MARCHF1: variants seen among roughly 807,000 people sequenced by gnomAD.
MARCHF1 encodes E3 ubiquitin-protein ligase MARCHF1.
A neutral mutation model predicts 54.2 loss-of-function variants in MARCHF1; 40 were observed. The observed-to-expected ratio is 0.74, with a 90% confidence interval of 0.57 to 0.96. MARCHF1 has a LOEUF of 0.96. Among genes scored for constraint, MARCHF1 ranks in the 40% least tolerant of loss-of-function variants. The pLI, the probability that MARCHF1 is intolerant of heterozygous loss-of-function variation, is 0.00. For synonymous variants in MARCHF1, 236 were observed against 236.3 expected, an observed-to-expected ratio of 1.00 and a Z score of 0.01; for missense variants, 586 against 656.5, an observed-to-expected ratio of 0.89 and a Z score of 1.17.
intron 5 of MARCHF1, among the ~76,000 whole-genome samples, chr4:163,662,776 TTC>T (rs1020503573): frequency 4.6e-5 from 7 of 152,014 alleles, no homozygotes; most frequent in African/African-American, 1.7e-4. Flanking sequence ...CAGCTATTCT[TTC>T]TGTTTTGTCA....
intron 4 of MARCHF1, among the ~76,000 whole-genome samples, chr4:163,799,751 C>G (rs755268735): frequency 6.6e-5 from 10 of 151,910 alleles, no homozygotes; most frequent in Non-Finnish European, 1.5e-4. Context: ...TTGAATGGTC[C>G]AGACTGCTTT....
intron 4 of MARCHF1, among the ~76,000 whole-genome samples, chr4:163,853,081 G>C (rs1265893982): frequency 6.6e-6 from 1 of 152,072 alleles, no homozygotes; most frequent in Non-Finnish European, 1.5e-5. Flanking sequence ...TTAGAACTGT[G>C]AGAAATAAAT....
chr4:164,126,889 C>T (rs552228045), intron 1 of MARCHF1, among the ~76,000 whole-genome samples: 11 of 152,220 alleles, frequency 7.2e-5, no homozygotes, highest in African/African-American at 2.4e-4. Flanking sequence ...AACCCCAGCT[C>T]TACAAAATAC....
chr4:163,553,027 C>T (rs1229763744), intron 8 of MARCHF1, among the ~76,000 whole-genome samples: 10 of 95,188 alleles, frequency 1.1e-4, no homozygotes, highest in Admixed American at 1.3e-4. Flanking sequence ...AGCGAGACTC[C>T]GTCTCAAAAA....
Position 164,371,995 on chromosome 4 carries a change from T to A in MARCHF1, c.-323+11875A>T, listed in dbSNP as rs143873133. ...CCTCCTGCAGGCTGTGCCAGGAGGA[T>A]CACTTGAGCCAGGAGGTCAAGGCTG... On this transcript the variant is annotated intron_variant, in intron 1 of 9. Transcript: ENST00000514618. Among the ~76,000 whole-genome samples the A allele has an allele frequency of 3.4e-3, 523 of 152,306 alleles. 4 individuals carry two copies. The highest frequency in any genetic ancestry group is 0.011 in the African/African-American group (477 of 41,578).
chr4:163,779,680 C>T lies in MARCHF1; in HGVS notation c.111+74341G>A, dbSNP rs138563833. Among the ~76,000 whole-genome samples, 514 of 152,130 alleles carry T rather than the reference C, an allele frequency of 3.4e-3. 1 individual carries two copies. Among genetic ancestry groups the T allele is most frequent in the African/African-American group, 0.011 (459 of 41,500 alleles). On this transcript the variant is annotated intron_variant, in intron 4 of 9. Coordinates refer to ENST00000514618, the MANE Select transcript of MARCHF1 (RefSeq NM_001394959.1). ...AGAACTTAGGAGGTCAATTTATTTG[C>T]TCTGAACTGAAGTTATTATGAAACA...
chr4:164,213,225 T>TTAC (rs1355923483), intron 1 of MARCHF1, among the ~76,000 whole-genome samples: 1 of 143,270 alleles, frequency 7.0e-6, no homozygotes, highest in Non-Finnish European at 1.5e-5. Flanking sequence ...ATTATTATTA[T>TTAC]TATTATTATT....
chr4:164,118,233 T>C (rs905056115), intron 1 of MARCHF1, among the ~76,000 whole-genome samples: 2 of 151,812 alleles, frequency 1.3e-5, no homozygotes, highest in East Asian at 3.9e-4. Flanking sequence ...ACTTGTACTT[T>C]GGAAAACAGT....
chr4:164,085,324 C>T (rs956422883), intron 2 of MARCHF1, among the ~76,000 whole-genome samples: 2 of 151,726 alleles, frequency 1.3e-5, no homozygotes, highest in African/African-American at 4.8e-5. Context: ...TGAGGCTTTG[C>T]AAGCAAAATG....
chr4:163,913,887 C>A lies in MARCHF1; in HGVS notation c.-38-59718G>T, dbSNP rs545681921. 2.0e-5 allele frequency among the ~76,000 whole-genome samples: 3 copies of A among 152,222 alleles called. No homozygotes were observed. In the South Asian group the frequency reaches 6.2e-4, roughly 32 times the overall value. ...GATCAGACTCTTGGCTTTCATTTGG[C>A]CCTGAATGATATGTGTCATTAACAT... On this transcript the variant is annotated intron_variant, in intron 3 of 9. Coordinates refer to ENST00000514618, the MANE Select transcript of MARCHF1 (RefSeq NM_001394959.1).
intron 1 of MARCHF1, among the ~76,000 whole-genome samples, chr4:164,113,360 T>C (rs1755874902): frequency 1.3e-5 from 2 of 152,016 alleles, no homozygotes; most frequent in Non-Finnish European, 2.9e-5. Context: ...GAAAGCTTAA[T>C]AGTTTGATGC....
chr4:163,954,381 T>A (rs1237258078), intron 3 of MARCHF1, among the ~76,000 whole-genome samples: 2 of 152,142 alleles, frequency 1.3e-5, no homozygotes, highest in African/African-American at 4.8e-5. Context: ...GCAAATTTCA[T>A]TTACTCATTA....
chr4:163,987,023 AG>A lies in MARCHF1; in HGVS notation c.-39+1477del, dbSNP rs1579442378. Among the ~76,000 whole-genome samples, 6 of 152,338 alleles carry A rather than the reference AG, an allele frequency of 3.9e-5. No individual in the cohort carries two copies. In the East Asian group the frequency reaches 1.2e-3, roughly 29 times the overall value. ...TATCCAGAAATTTATACTGTGAGTA[AG>A]CAATGTATAACTTTTATGAATCTTG... On this transcript the variant is annotated intron_variant, in intron 3 of 9. Transcript: ENST00000514618.
intron 5 of MARCHF1, among the ~76,000 whole-genome samples, chr4:163,647,099 A>C (rs1024183233): frequency 1.3e-5 from 2 of 152,108 alleles, no homozygotes; most frequent in Non-Finnish European, 1.5e-5. Context: ...TGAAGACGTC[A>C]GGGGTAGCTT....
chr4:164,049,259 A>C (rs1220952097), intron 2 of MARCHF1, among the ~76,000 whole-genome samples: 1 of 152,166 alleles, frequency 6.6e-6, no homozygotes, highest in Non-Finnish European at 1.5e-5. Context: ...AGCTTGCAGG[A>C]TAACTCCCTC....
intron 3 of MARCHF1, among the ~76,000 whole-genome samples, chr4:163,966,349 C>A (rs1372882885): frequency 2.0e-5 from 3 of 151,836 alleles, no homozygotes; most frequent in Non-Finnish European, 4.4e-5. Flanking sequence ...ATAGCTATAG[C>A]CTGTAAATTT....
At chr4:164,356,066 A>C (rs1400559626) in intron 1 of MARCHF1, among the ~76,000 whole-genome samples, 1 of 136,752 alleles carries the variant, frequency 7.3e-6, no homozygotes, top group South Asian at 2.3e-4. Context: ...CCACTATGAG[A>C]CATCATCTCA....
chr4:164,348,317 C>G (rs1200078945), intron 1 of MARCHF1, among the ~76,000 whole-genome samples: 2 of 152,120 alleles, frequency 1.3e-5, no homozygotes, highest in African/African-American at 4.8e-5. Context: ...AAGATTCATC[C>G]TGACTTGCTT....
chr4:164,028,802 G>A (rs562242935), intron 2 of MARCHF1, among the ~76,000 whole-genome samples: 3 of 152,136 alleles, frequency 2.0e-5, no homozygotes, highest in Non-Finnish European at 4.4e-5. Flanking sequence ...AGATACATGC[G>A]ATAGTGATCA....
Sources: allele counts gnomAD v4.1 joint callset (sites outside exome capture counted in the v4.1 genomes callset), GRCh38; gene constraint gnomAD v4.1.1; transcripts MANE v1.5; gene names NCBI Gene and HGNC (gene_info 2026-07-23, HGNC 2026-07-21).